The following NBAS variants were observed in gnomAD, a reference collection of about 807,000 sequenced individuals.
The protein encoded by NBAS is NAG/BC035112 fusion.
Under a neutral mutation model 302.5 loss-of-function variants are expected in NBAS, and 219 were observed. The observed-to-expected ratio is 0.72, with a 90% CI of 0.65 to 0.81. The LOEUF is 0.81. Ranked by LOEUF, NBAS falls within the 30% of genes least tolerant of loss-of-function variation. The pLI, the probability that NBAS is intolerant of heterozygous loss-of-function variation, is 0.00. For missense variants in NBAS, 2,932 were observed against 2,841.6 expected (o/e 1.03, Z -0.72); for synonymous variants, 1,118 against 1,021.6 (o/e 1.09, Z -1.80).
rs763210167 is a variant in NBAS at position 15,275,471 on chromosome 2, T to C, written c.5724+13A>G. ...ACTGTGCTCAAACCACTTTAAAATA[T>C]CTTTTTGTTTACCTTGGTCACAGCT... is the stretch of plus-strand genomic sequence containing the variant. On this transcript the variant is annotated intron_variant, in intron 44 of 51. Transcript: ENST00000281513. The C allele has an allele frequency of 6.8e-6, 11 of 1,612,600 alleles. No homozygotes were observed. The Admixed American group carries it at 1.5e-4, about 22-fold the overall frequency.
intron 6 of NBAS, among the ~76,000 whole-genome samples, chr2:15,545,212 G>C (rs1664049527): frequency 6.6e-6 from 1 of 152,060 alleles, no homozygotes; most frequent in African/African-American, 2.4e-5. Flanking sequence ...GCTTATATTA[G>C]AATAGGCTTA....
At chr2:15,521,472 TG>T (rs1269498854) in intron 9 of NBAS, among the ~76,000 whole-genome samples, 3 of 152,240 alleles carry the variant, frequency 2.0e-5, no homozygotes, top group African/African-American at 7.2e-5. Flanking sequence ...GCACCAATTA[TG>T]TGCCAAGCCC....
At chr2:15,329,940 C>T (rs1042372758) in intron 36 of NBAS, among the ~76,000 whole-genome samples, 2 of 152,204 alleles carry the variant, frequency 1.3e-5, no homozygotes, top group Admixed American at 6.5e-5. Flanking sequence ...GTGTCTCCCT[C>T]ACTGACATGT....
At chr2:15,528,045 C>A (rs1446969717) in intron 9 of NBAS, among the ~76,000 whole-genome samples, 1 of 152,108 alleles carries the variant, frequency 6.6e-6, no homozygotes, top group Non-Finnish European at 1.5e-5. Context: ...TATCTCCCAC[C>A]ACCACTATCA....
chr2:14,854,018 C>G, the NBAS span, among the ~76,000 whole-genome samples: 1 of 146,294 alleles, frequency 6.8e-6, no homozygotes, highest in East Asian at 2.0e-4. Context: ...CACATGTATA[C>G]ATATGTAACT....
intron 44 of NBAS, among the ~76,000 whole-genome samples, chr2:15,245,661 G>A (rs1037195838): frequency 7.9e-5 from 12 of 151,834 alleles, no homozygotes; most frequent in South Asian, 4.2e-4. Flanking sequence ...ACGGACGGAC[G>A]GATGGATGGA....
At chr2:15,419,350 T>G (rs1249613795) in intron 23 of NBAS, among the ~76,000 whole-genome samples, 1 of 151,386 alleles carries the variant, frequency 6.6e-6, no homozygotes, top group Non-Finnish European at 1.5e-5. Flanking sequence ...TGTGTGTGTG[T>G]GTGTGTGTGT....
intron 48 of NBAS, among the ~76,000 whole-genome samples, chr2:15,203,888 GCT>G (rs1429918589): frequency 7.1e-4 from 70 of 97,928 alleles, no homozygotes; most frequent in East Asian, 5.9e-3. Context: ...GTGTGTGTGT[GCT>G]TGTGTGTGTG....
intron 15 of NBAS, among the ~76,000 whole-genome samples, chr2:15,473,665 C>T (rs1352712313): frequency 6.6e-6 from 1 of 152,212 alleles, no homozygotes; most frequent in East Asian, 1.9e-4. Context: ...AAGAACAGCA[C>T]AAATCACGTG....
At position 15,539,299 on chromosome 2, in the gene NBAS, A is replaced by T. The variant is rs773916510; in HGVS notation, c.437T>A (p.Leu146Gln). 32 of 1,614,136 alleles carry T rather than the reference A, an allele frequency of 2.0e-5. No homozygotes were observed. The African/African-American group carries it at 3.3e-4, about 17-fold the overall frequency. ...TCCTGTGCTTTCGGCATAGGCCAGT[A>T]GGGTACAATCGTAACTCCATGCTAC... ...RRVAWSYDCT[L>Q]LAYAESTGTV... is the part of the protein sequence containing the mutation. The change falls in exon 7 of 52, where the codon CTA (leucine) becomes CAA (glutamine). Residue 146 changes from leucine (L) to glutamine (Q), a missense_variant. Transcript: ENST00000281513.
chr2:14,828,560 G>A, the NBAS span, among the ~76,000 whole-genome samples: 3 of 152,080 alleles, frequency 2.0e-5, no homozygotes, highest in Non-Finnish European at 2.9e-5. Flanking sequence ...TCTTTAGAGG[G>A]GAGTAAGATT....
intron 40 of NBAS, among the ~76,000 whole-genome samples, chr2:15,295,134 T>C (rs1670488867): frequency 6.6e-6 from 1 of 152,230 alleles, no homozygotes; most frequent in South Asian, 2.1e-4. Flanking sequence ...CACTTCTCAT[T>C]AGCCTCAATG....
rs1558496463 is a variant in NBAS at position 15,276,954 on chromosome 2, A to G, written c.5286T>C (p.Tyr1762=). Residue 1762 remains tyrosine (Y), a synonymous_variant, in exon 43 of 52, where the codon TAT becomes TAC. Transcript: ENST00000281513. ...GGFDHERLQY[Y]FTLLENCGCA... ...AGCCACAGTTTTCCAGAAGAGTGAA[A>G]TAATACTGCAGCCTTTCGTGATCAA... The G allele has an allele frequency of 6.2e-7, 1 of 1,614,068 alleles. No homozygotes were observed. The highest frequency in any genetic ancestry group is 8.5e-7 in the Non-Finnish European group (1 of 1,179,970).
At chr2:15,159,803 G>GCACACACACA in the NBAS span, among the ~76,000 whole-genome samples, 22 of 147,414 alleles carry the variant, frequency 1.5e-4, no homozygotes, top group African/African-American at 5.0e-4. Flanking sequence ...ACACACGCGT[G>GCACACACACA]CACACACACA....
At chr2:15,210,771 C>A (rs951568158) in intron 48 of NBAS, among the ~76,000 whole-genome samples, 8 of 152,142 alleles carry the variant, frequency 5.3e-5, no homozygotes, top group Non-Finnish European at 1.2e-4. Context: ...TACATATATA[C>A]AATGGAGTAC....
At position 15,382,717 on chromosome 2, in the gene NBAS, T is replaced by C. The variant is rs182831049; in HGVS notation, c.3360+498A>G. Among the ~76,000 whole-genome samples, 74 of 152,304 alleles carry C rather than the reference T, an allele frequency of 4.9e-4. No individual in the cohort carries two copies. In the East Asian group the frequency reaches 5.8e-3, roughly 12 times the overall value. Reference sequence around the variant, plus strand: ...GCATCTTCTATAGCTTTCTATGTCATGCTAAGGAGTAGAGCTACTTTTTGA... The same window carrying C: ...GCATCTTCTATAGCTTTCTATGTCACGCTAAGGAGTAGAGCTACTTTTTGA... On this transcript the variant is annotated intron_variant, in intron 29 of 51. Coordinates refer to ENST00000281513, the MANE Select transcript of NBAS (RefSeq NM_015909.4).
intron 32 of NBAS, among the ~76,000 whole-genome samples, chr2:15,364,608 A>C (rs1040462621): frequency 6.6e-6 from 1 of 152,142 alleles, no homozygotes; most frequent in Non-Finnish European, 1.5e-5. Flanking sequence ...TCAGCCAACA[A>C]GAAGGAAGTC....
chr2:14,909,181 A>G, the NBAS span, among the ~76,000 whole-genome samples: 7 of 151,916 alleles, frequency 4.6e-5, no homozygotes, highest in South Asian at 8.3e-4. Flanking sequence ...TTAGCCGGGC[A>G]TGGTGGCGGG....
chr2:14,792,742 T>C, the NBAS span, among the ~76,000 whole-genome samples: 1 of 151,134 alleles, frequency 6.6e-6, no homozygotes, highest in Non-Finnish European at 1.5e-5. Flanking sequence ...CAGAATACAA[T>C]TAAAAAATCA....
Sources: gnomAD v4.1 joint callset for allele counts (sites outside exome capture counted in the v4.1 genomes callset) on GRCh38, gnomAD v4.1.1 for gene constraint, MANE v1.5 for transcripts, NCBI Gene and HGNC (gene_info 2026-07-23, HGNC 2026-07-21) for gene names.